The following RGS7 variants were observed in gnomAD, a reference collection of about 807,000 sequenced individuals.
RGS7 encodes the protein regulator of G-protein signaling 7.
Under a neutral mutation model 81.1 loss-of-function variants are expected in RGS7, and 27 were observed. That is an observed-to-expected ratio of 0.33 (90% CI 0.25 to 0.46). The LOEUF (loss-of-function observed/expected upper bound fraction) is 0.46. Ranked by LOEUF, RGS7 falls within the 20% of genes least tolerant of loss-of-function variation. RGS7 has a pLI of 1.00. For missense variants in RGS7, 396 were observed against 607.4 expected (o/e 0.65, Z 3.66); for synonymous variants, 208 against 207.7 (o/e 1.00, Z -0.01).
chr1:241,302,701 T>C (rs1315050517), intron 2 of RGS7, among the ~76,000 whole-genome samples: 1 of 152,224 alleles, frequency 6.6e-6, no homozygotes, highest in Non-Finnish European at 1.5e-5. Context: ...TAGTATACTC[T>C]AGTGTACGTA....
At position 241,089,993 on chromosome 1, in the gene RGS7, CAAAAAAAAAAA is replaced by C. The variant is rs10716500; in HGVS notation, c.175+8662_175+8672del. Among the ~76,000 whole-genome samples the C allele has an allele frequency of 2.8e-3, 260 of 93,036 alleles. 1 individual carries two copies. The highest frequency in any genetic ancestry group is 4.5e-3 in the Non-Finnish European group (201 of 45,164). The allele number at this position is 93,036 out of a possible 152,430, so 61.0% of individuals were successfully genotyped here. A position where few individuals can be genotyped will look rare whatever the true frequency, so the allele number is the denominator to read the frequency against. ...TGGGCGGCAGAGTGAGACTCCATCTCAAAAAAAAAAAAAAAAAAAGAGAGAGAGAACAGGAA... is the reference window on the plus strand; with the variant it reads ...TGGGCGGCAGAGTGAGACTCCATCTCAAAAAAAAGAGAGAGAGAACAGGAA... On this transcript the variant is annotated intron_variant, in intron 3 of 18. Coordinates refer to ENST00000440928, the MANE Select transcript of RGS7 (RefSeq NM_001364886.1).
intron 4 of RGS7, among the ~76,000 whole-genome samples, chr1:240,971,440 C>A (rs1382519876): frequency 3.9e-5 from 6 of 152,158 alleles, no homozygotes; most frequent in Admixed American, 3.9e-4. Context: ...AATGAATACA[C>A]AAAGAAAACT....
chr1:241,010,577 T>G (rs1034258040), intron 3 of RGS7, among the ~76,000 whole-genome samples: 5 of 152,142 alleles, frequency 3.3e-5, no homozygotes, highest in Admixed American at 1.3e-4. Context: ...GATACTTTAT[T>G]TTGCTCTCCT....
In RGS7 at chr1:241,263,057, C is replaced by A. The variant is rs557977890; in HGVS notation, c.78+92642G>T. ...GAGGTTGCAGTGAGCCGAGATCACA[C>A]CACTGCACTCCAGCCTGGGCGAAAG... On this transcript the variant is annotated intron_variant, in intron 2 of 18. Coordinates refer to ENST00000440928, the MANE Select transcript of RGS7 (RefSeq NM_001364886.1). 9.9e-5 allele frequency among the ~76,000 whole-genome samples: 15 copies of A among 152,204 alleles called. No individual in the cohort carries two copies. In the East Asian group the frequency reaches 2.9e-3, roughly 29 times the overall value.
intron 2 of RGS7, among the ~76,000 whole-genome samples, chr1:241,233,043 T>C (rs1364359292): frequency 6.6e-6 from 1 of 152,152 alleles, no homozygotes; most frequent in Admixed American, 6.5e-5. Flanking sequence ...TTCCATAATA[T>C]AGTCCCCACC....
chr1:241,253,432 T>A (rs2076923559), intron 2 of RGS7, among the ~76,000 whole-genome samples: 1 of 152,190 alleles, frequency 6.6e-6, no homozygotes, highest in African/African-American at 2.4e-5. Flanking sequence ...CATAGATCTC[T>A]GTGACATGAA....
At chr1:241,264,031 T>C (rs1012550933) in intron 2 of RGS7, among the ~76,000 whole-genome samples, 1 of 152,236 alleles carries the variant, frequency 6.6e-6, no homozygotes, top group Non-Finnish European at 1.5e-5. Context: ...AAGTTGTTCA[T>C]GTTGCTTAAT....
At chr1:241,030,383 CAT>C (rs1249227335) in intron 3 of RGS7, among the ~76,000 whole-genome samples, 1,881 of 77,792 alleles carry the variant, frequency 0.024, 86 homozygotes, top group African/African-American at 0.053. Context: ...TACATACACA[CAT>C]ACATACACAC....
intron 3 of RGS7, among the ~76,000 whole-genome samples, chr1:241,025,287 TTAGA>T (rs1334551246): frequency 3.3e-5 from 5 of 152,348 alleles, no homozygotes; most frequent in Non-Finnish European, 5.9e-5. Flanking sequence ...AGTGTGGTAA[TTAGA>T]TAGTGCTATC....
chr1:241,305,888 A>G, intron 2 of RGS7: 1 of 230,984 alleles, frequency 4.3e-6, no homozygotes, highest in Admixed American at 5.1e-5. Flanking sequence ...GTGCAGGACC[A>G]TGGCTGTTGC....
intron 3 of RGS7, among the ~76,000 whole-genome samples, chr1:241,016,379 G>A (rs1352633806): frequency 2.0e-5 from 3 of 152,088 alleles, no homozygotes; most frequent in Non-Finnish European, 4.4e-5. Flanking sequence ...TTAGCTGGGT[G>A]TGGCGGCATG....
intron 18 of RGS7, among the ~76,000 whole-genome samples, chr1:240,784,439 G>C (rs1398023426): frequency 6.6e-6 from 1 of 151,566 alleles, no homozygotes; most frequent in Non-Finnish European, 1.5e-5. Context: ...AGGAGATTGA[G>C]ACCATCCTGG....
chr1:240,804,242 G>A (rs1028452652), intron 15 of RGS7, among the ~76,000 whole-genome samples: 2 of 152,142 alleles, frequency 1.3e-5, no homozygotes, highest in African/African-American at 4.8e-5. Context: ...ATGGGGTGTG[G>A]ATAGTAAGTG....
intron 2 of RGS7, among the ~76,000 whole-genome samples, chr1:241,260,355 G>A (rs10802939): frequency 0.13 from 19,847 of 152,158 alleles, 1,440 homozygotes; most frequent in East Asian, 0.21. Flanking sequence ...CTGCTCAGTG[G>A]CTGAATCATC....
chr1:241,147,254 T>C (rs1030223534), intron 2 of RGS7, among the ~76,000 whole-genome samples: 2 of 152,198 alleles, frequency 1.3e-5, no homozygotes, highest in Non-Finnish European at 2.9e-5. Context: ...CAATGAATAA[T>C]ATGAAGAAAT....
intron 2 of RGS7, among the ~76,000 whole-genome samples, chr1:241,234,634 C>T (rs944482433): frequency 3.2e-4 from 49 of 152,100 alleles, no homozygotes; most frequent in Admixed American, 3.1e-3. Context: ...GTCTCCATAT[C>T]CCACCCTGGT....
intron 2 of RGS7, among the ~76,000 whole-genome samples, chr1:241,112,065 A>G (rs1319905916): frequency 6.6e-6 from 1 of 152,148 alleles, no homozygotes; most frequent in African/African-American, 2.4e-5. Context: ...CGAGCTTAAT[A>G]TTCTTATGAA....
At chr1:241,137,377 A>C (rs1021913835) in intron 2 of RGS7, among the ~76,000 whole-genome samples, 3 of 152,214 alleles carry the variant, frequency 2.0e-5, no homozygotes, top group Non-Finnish European at 4.4e-5. Flanking sequence ...CACTGAACCT[A>C]TTATTAATGA....
At chr1:241,267,354 C>A (rs768089124) in intron 2 of RGS7, among the ~76,000 whole-genome samples, 7 of 152,186 alleles carry the variant, frequency 4.6e-5, no homozygotes, top group African/African-American at 7.2e-5. Context: ...TACTCCGTTG[C>A]CTTCTAGGGT....
Sources: gnomAD v4.1 joint callset for allele counts (sites outside exome capture counted in the v4.1 genomes callset) on GRCh38, gnomAD v4.1.1 for gene constraint, MANE v1.5 for transcripts, NCBI Gene and HGNC (gene_info 2026-07-23, HGNC 2026-07-21) for gene names.